ITIH4: variants seen among roughly 807,000 people sequenced by gnomAD.
ITIH4 encodes the protein inter-alpha-trypsin inhibitor heavy chain H4.
ITIH4 carries 79 observed loss-of-function variants against 111.8 expected under a neutral mutation model. The observed-to-expected ratio is 0.71, with a 90% CI of 0.59 to 0.85. The LOEUF is 0.85. ITIH4 is among the 40% of genes least tolerant of loss of function. The pLI is 0.00. For synonymous variants in ITIH4, 472 were observed against 468.3 expected (o/e 1.01, Z -0.10); for missense variants, 1,065 against 1,195.8 (o/e 0.89, Z 1.61).
intron 21 of ITIH4, among the ~76,000 whole-genome samples, chr3:52,815,543 A>T (rs1309077937): frequency 7.9e-5 from 12 of 151,590 alleles, no homozygotes; most frequent in African/African-American, 2.9e-4. Flanking sequence ...TGCCCAACCT[A>T]TTTTTCTTTA....
At position 52,829,203 on chromosome 3, in the gene ITIH4, C is replaced by T. The variant is rs774582505; in HGVS notation, c.167G>A (p.Arg56Gln). 1.5e-5 allele frequency: 25 copies of T among 1,613,676 alleles called. No individual in the cohort carries two copies. Among genetic ancestry groups the T allele is most frequent in the African/African-American group, 9.3e-5 (7 of 74,902 alleles). ...CACAGTATTGGCCCTATTGACCACT[C>T]GGCTGGTGACGACCGTGTGGGCAAA... ...SRFAHTVVTSRVVNRANTVQE... is the reference protein window; with the variant it reads ...SRFAHTVVTSQVVNRANTVQE... Residue 56 changes from arginine (R) to glutamine (Q), a missense_variant, in exon 2 of 24, where the codon CGA becomes CAA. Arg to Gln is a conservative substitution (Grantham distance 43). Coordinates refer to ENST00000266041, the MANE Select transcript of ITIH4 (RefSeq NM_002218.5).
rs139077571 is a variant in ITIH4, at chr3:52,822,745, T to C, written c.1539+811A>G. On this transcript the variant is annotated intron_variant, in intron 11 of 23. Coordinates refer to ENST00000266041, the MANE Select transcript of ITIH4 (RefSeq NM_002218.5). The stretch of plus-strand genomic sequence containing the variant: ...GGGGACTTGTCCTGAAACAAGGCCA[T>C]GGGCCCCCAACGCCCACTCCTATTC... Among the ~76,000 whole-genome samples, 11 of 152,302 alleles carry C rather than the reference T, an allele frequency of 7.2e-5. 1 individual carries two copies. The East Asian group carries it at 2.1e-3, about 29-fold the overall frequency.
At chr3:52,817,404 G>A (rs548918194) in intron 20 of ITIH4, among the ~76,000 whole-genome samples, 2 of 152,362 alleles carry the variant, frequency 1.3e-5, no homozygotes, top group African/African-American at 4.8e-5. Context: ...GGGTAAGATG[G>A]AGAATTGGTG....
chr3:52,813,670 G>C (rs903779963), intron 23 of ITIH4, among the ~76,000 whole-genome samples, 180 bp from the exon 24 acceptor site: 1 of 152,212 alleles, frequency 6.6e-6, no homozygotes, highest in Non-Finnish European at 1.5e-5. Context: ...AGAGAAGCCA[G>C]TACGTGAGGT....
Position 52,829,103 on chromosome 3 carries a change from G to T in ITIH4, c.251+16C>A. On this transcript the variant is annotated intron_variant, in intron 2 of 23. Transcript: ENST00000266041. ...TGGGGGGTGTGGAGAGGGGAGGAGG[G>T]TGGGAAGGCACCTACATGGAGAAGT... 6.3e-7 allele frequency: 1 copy of T among 1,593,236 alleles called. No homozygotes were observed. Among genetic ancestry groups the T allele is most frequent in the Non-Finnish European group, 8.6e-7 (1 of 1,165,108 alleles).
Position 52,827,079 on chromosome 3 carries a change from C to G in ITIH4, c.356+14G>C, listed in dbSNP as rs9821055. On this transcript the variant is annotated intron_variant, in intron 3 of 23. Coordinates refer to ENST00000266041, the MANE Select transcript of ITIH4 (RefSeq NM_002218.5). ...CTAGACCCTCCCCACTGAAGCTGCCCCCCACCAGCTCACTTGACGAGGCCA... is the reference window on the plus strand; with the variant it reads ...CTAGACCCTCCCCACTGAAGCTGCCGCCCACCAGCTCACTTGACGAGGCCA... 9.4e-4 allele frequency: 1,513 copies of G among 1,612,264 alleles called. 16 individuals carry two copies. The African/African-American group carries it at 0.018, about 20-fold the overall frequency.
chr3:52,814,339 C>T lies in ITIH4; in HGVS notation c.2496G>A (p.Thr832=), dbSNP rs567867066. 1.4e-4 allele frequency: 222 copies of T among 1,613,924 alleles called. No homozygotes were observed. Among genetic ancestry groups the T allele is most frequent in the Non-Finnish European group, 1.7e-4 (199 of 1,180,022 alleles). The change falls in exon 22 of 24, where the codon ACG becomes ACA. Residue 832 remains threonine, a synonymous_variant. Coordinates refer to ENST00000266041, the MANE Select transcript of ITIH4 (RefSeq NM_002218.5). ...CTGGGTCACTGAGCAGCAGGAGACC[C>T]GTCTTGTCCATGGTCATCTTCAGGC... is the stretch of plus-strand genomic sequence containing the variant. ...MPGLKMTMDK[T]GLLLLSDPDK...
intron 21 of ITIH4, among the ~76,000 whole-genome samples, chr3:52,815,562 G>A (rs1034194902): frequency 5.3e-5 from 8 of 151,976 alleles, no homozygotes; most frequent in African/African-American, 1.5e-4. Context: ...TATGTCTTCT[G>A]TAGCTCATGA....
At chr3:52,818,399 G>T in intron 18 of ITIH4, 63 bp downstream of exon 18, 1 of 1,573,442 alleles carries the variant, frequency 6.4e-7, no homozygotes, top group Non-Finnish European at 8.7e-7. Context: ...ATCGAGACAT[G>T]TGACAGGTCA....
At position 52,829,564 on chromosome 3, in the gene ITIH4, G is replaced by C. The variant is rs1343885435; in HGVS notation, c.91-285C>G. Among the ~76,000 whole-genome samples, 5 of 152,238 alleles carry C rather than the reference G, an allele frequency of 3.3e-5. No homozygotes were observed. The East Asian group carries it at 9.6e-4, about 29-fold the overall frequency. ...GGGGCCCAGAGCACCCCTTGGAGAA[G>C]AACAAGCATGCAGGGGGTGGAGCTG... On this transcript the variant is annotated intron_variant, in intron 1 of 23. Coordinates refer to ENST00000266041, the MANE Select transcript of ITIH4 (RefSeq NM_002218.5).
intron 14 of ITIH4, 139 bp downstream of exon 14, chr3:52,820,152 T>G (rs1019046193): frequency 7.5e-7 from 1 of 1,338,092 alleles, no homozygotes. Context: ...CAGATTACAC[T>G]GCCTCCTGGC....
chr3:52,818,180 G>A lies in ITIH4; in HGVS notation c.2180-12C>T, dbSNP rs780028215. The A allele has an allele frequency of 1.7e-5, 27 of 1,604,070 alleles. No homozygotes were observed. Among genetic ancestry groups the A allele is most frequent in the South Asian group, 1.7e-4 (15 of 90,226 alleles). ...AGCCTGTATGGGGGCTGGGACAGCC[G>A]GGGCACGGCTCCTGGAGCAGGAAGG... On this transcript the variant is annotated splice_polypyrimidine_tract_variant and intron_variant, in intron 19 of 23. Transcript: ENST00000266041.
At chr3:52,828,872 T>C (rs899141952) in intron 2 of ITIH4, among the ~76,000 whole-genome samples, 2 of 152,196 alleles carry the variant, frequency 1.3e-5, no homozygotes, top group African/African-American at 4.8e-5. Flanking sequence ...GATTCTGTGG[T>C]TCTCTGCCTA....
rs781170365 is a variant in ITIH4, at chr3:52,814,252, CAGA to C, written c.2580_2582del (p.Leu861del). On this transcript the variant is annotated inframe_deletion, in exon 22 of 24. Transcript: ENST00000266041. ...GGCTGGAGAAGCGGTCAGTGTCACG[CAGA>C]AGGAGCCGGAGCCCCTCCCCACGGC... 6.2e-7 allele frequency: 1 copy of C among 1,613,778 alleles called. No homozygotes were observed.
In ITIH4 at chr3:52,826,580, C is replaced by T; in HGVS notation, c.591G>A (p.Gln197=). The change falls in exon 5 of 24, where the codon CAG becomes CAA. Residue 197 remains glutamine (Q), a synonymous_variant. Transcript: ENST00000266041. ...LETESTFMTN[Q]LVDALTTWQN... is the part of the protein sequence containing the mutation. ...GCCAGGTGGTGAGGGCGTCTACCAG[C>T]TGGTTGGTCATGAAGGTGCTCTCTG... 1 of 1,614,134 alleles carries T rather than the reference C, an allele frequency of 6.2e-7. No homozygotes were observed. The highest frequency in any genetic ancestry group is 8.5e-7 in the Non-Finnish European group (1 of 1,180,018).
At chr3:52,830,165 T>C (rs1700546045) in intron 1 of ITIH4, 1 of 362,868 alleles carries the variant, frequency 2.8e-6, no homozygotes, top group African/African-American at 2.1e-5. Context: ...TCCTAAGCAC[T>C]TTATAGATAC....
At chr3:52,820,012 G>A in intron 14 of ITIH4, 22 bp from the exon 15 acceptor site, 2 of 1,613,518 alleles carry the variant, frequency 1.2e-6, no homozygotes, top group East Asian at 2.2e-5. Context: ...TGGGACCTGG[G>A]TTTGCATCTT....
chr3:52,820,557 G>T, intron 13 of ITIH4, 74 bp downstream of exon 13: 1 of 1,517,100 alleles, frequency 6.6e-7, no homozygotes. Context: ...TGGTCAGGAT[G>T]CAGGGAAGAT....
At chr3:52,813,900 G>A in intron 23 of ITIH4, 75 bp downstream of exon 23, 1 of 1,183,380 alleles carries the variant, frequency 8.5e-7, no homozygotes, top group South Asian at 1.3e-5. Context: ...GTGGGGCCCT[G>A]GAGAGCCTGG....
Sources: allele counts gnomAD v4.1 joint callset (sites outside exome capture counted in the v4.1 genomes callset), GRCh38; gene constraint gnomAD v4.1.1; transcripts MANE v1.5; gene names NCBI Gene and HGNC (gene_info 2026-07-23, HGNC 2026-07-21).